Variants in GBF1 observed in about 807,000 individuals in gnomAD.
GBF1 encodes golgi brefeldin A resistant guanine nucleotide exchange factor 1.
A neutral mutation model predicts 210.5 loss-of-function variants in GBF1; 114 were observed. That is an observed-to-expected ratio of 0.54 (90% CI 0.47 to 0.63). The LOEUF (loss-of-function observed/expected upper bound fraction) is 0.63. Ranked by LOEUF, GBF1 falls within the 30% of genes least tolerant of loss-of-function variation. GBF1 has a pLI of 0.00. For synonymous variants in GBF1, 850 were observed against 889.2 expected, an observed-to-expected ratio of 0.96 and a Z score of 0.78; for missense variants, 1,851 against 2,357.7, an observed-to-expected ratio of 0.79 and a Z score of 4.45.
chr10:102,335,810 A>C (rs2134404095), intron 3 of GBF1, among the ~76,000 whole-genome samples: 1 of 152,318 alleles, frequency 6.6e-6, no homozygotes. Context: ...TTAATAATTC[A>C]TTTTATTAAA....
chr10:102,287,807 T>G (rs1310196377), intron 3 of GBF1, among the ~76,000 whole-genome samples: 1 of 152,202 alleles, frequency 6.6e-6, no homozygotes, highest in Non-Finnish European at 1.5e-5. Flanking sequence ...TGCTATATTA[T>G]ATTAGTCACA....
chr10:102,334,830 CAG>C (rs1394358277), intron 3 of GBF1, among the ~76,000 whole-genome samples: 1 of 148,110 alleles, frequency 6.8e-6, no homozygotes, highest in African/African-American at 2.5e-5. Flanking sequence ...GGCTGGGTGA[CAG>C]AGCGAGACTT....
chr10:102,350,356 A>G (rs2058869586), intron 4 of GBF1, among the ~76,000 whole-genome samples: 1 of 152,066 alleles, frequency 6.6e-6, no homozygotes, highest in African/African-American at 2.4e-5. Flanking sequence ...TCTCCAAAAA[A>G]AAAAAAAAAG....
chr10:102,283,207 T>C (rs898330268), intron 3 of GBF1, among the ~76,000 whole-genome samples: 5 of 152,206 alleles, frequency 3.3e-5, no homozygotes, highest in African/African-American at 1.2e-4. Context: ...CACTTGTTAG[T>C]AGAGCCATTT....
intron 11 of GBF1, 95 bp downstream of exon 11, chr10:102,359,530 C>CT: frequency 1.2e-6 from 1 of 840,236 alleles, no homozygotes; most frequent in South Asian, 1.5e-5. Flanking sequence ...TATTGGACTA[C>CT]TGCCTGTTGC....
At chr10:102,270,272 C>T (rs1315146743) in intron 3 of GBF1, among the ~76,000 whole-genome samples, 1 of 151,968 alleles carries the variant, frequency 6.6e-6, no homozygotes, top group African/African-American at 2.4e-5. Context: ...TGGGTTCAAG[C>T]AATTCTCCTG....
At chr10:102,300,397 C>T (rs922539397) in intron 3 of GBF1, among the ~76,000 whole-genome samples, 2 of 151,852 alleles carry the variant, frequency 1.3e-5, no homozygotes, top group Non-Finnish European at 2.9e-5. Flanking sequence ...TATTCAACAG[C>T]TAAAAAAAAA....
intron 5 of GBF1, 35 bp downstream of exon 5, chr10:102,351,409 C>A: frequency 1.8e-6 from 2 of 1,119,176 alleles, no homozygotes; most frequent in Non-Finnish European, 2.7e-6. Context: ...AGGCTAATGG[C>A]CAGGGGCTGG....
the GBF1 span, among the ~76,000 whole-genome samples, chr10:102,236,936 G>A: frequency 1.3e-5 from 2 of 152,210 alleles, no homozygotes; most frequent in South Asian, 4.1e-4. Flanking sequence ...TAGGGACGCT[G>A]AGCACCCAGA....
At chr10:102,304,647 C>T (rs1168477699) in intron 3 of GBF1, among the ~76,000 whole-genome samples, 2 of 151,548 alleles carry the variant, frequency 1.3e-5, no homozygotes, top group African/African-American at 2.4e-5. Flanking sequence ...CGGTGGCACA[C>T]GCCAGTAATC....
chr10:102,316,057 T>C (rs964529401), intron 3 of GBF1, among the ~76,000 whole-genome samples: 3 of 151,672 alleles, frequency 2.0e-5, no homozygotes, highest in Non-Finnish European at 4.4e-5. Flanking sequence ...GTCTCTGTCA[T>C]TTACCTTTCT....
intron 3 of GBF1, among the ~76,000 whole-genome samples, chr10:102,268,365 A>C (rs111595243): frequency 2.0e-3 from 299 of 152,352 alleles, no homozygotes; most frequent in African/African-American, 6.9e-3. Flanking sequence ...AGGGAAAAGC[A>C]TTCTTAATAG....
chr10:102,239,226 C>G, the GBF1 span, among the ~76,000 whole-genome samples: 3 of 152,232 alleles, frequency 2.0e-5, no homozygotes, highest in Admixed American at 2.0e-4. Flanking sequence ...AGTGACCAGG[C>G]ATGCGTTCAG....
Position 102,382,344 on chromosome 10 carries a change from C to T in GBF1, c.*8C>T. The T allele has an allele frequency of 6.3e-7, 1 of 1,598,656 alleles. No individual in the cohort carries two copies. The highest frequency in any genetic ancestry group is 8.5e-7 in the Non-Finnish European group (1 of 1,171,438). On this transcript the variant is annotated 3_prime_UTR_variant, in exon 40 of 40. Transcript: ENST00000369983. ...ACCTCTGAGGTCAACTAAGGCAGGT[C>T]ACTCAGAGATCAGGACCAGTGCTTC...
At chr10:102,257,629 C>T (rs138538986) in intron 1 of GBF1, among the ~76,000 whole-genome samples, 69 of 152,058 alleles carry the variant, frequency 4.5e-4, no homozygotes, top group African/African-American at 1.4e-3. Context: ...GCAGCCTTTA[C>T]GCTGACATTG....
At chr10:102,375,021 A>T (rs1279005593) in intron 29 of GBF1, among the ~76,000 whole-genome samples, 1 of 151,828 alleles carries the variant, frequency 6.6e-6, no homozygotes, top group Non-Finnish European at 1.5e-5. Context: ...AAAGAAAAAA[A>T]AAATTAGCCA....
Position 102,382,414 on chromosome 10 carries a change from A to G in GBF1, c.*78A>G. 7.5e-7 allele frequency: 1 copy of G among 1,334,024 alleles called. No homozygotes were observed. The highest frequency in any genetic ancestry group is 1.0e-6 in the Non-Finnish European group (1 of 970,162). 82.6% of individuals were successfully genotyped at this position (1,334,024 alleles called of 1,614,324 possible). ...CCCACTTCTGGCTGTCCTGCGGGCC[A>G]CAAGCTCTTCAGGCCAAGTCAGAGC... On this transcript the variant is annotated 3_prime_UTR_variant, in exon 40 of 40. Transcript: ENST00000369983.
At chr10:102,323,149 A>G (rs2056576548) in intron 3 of GBF1, among the ~76,000 whole-genome samples, 1 of 137,438 alleles carries the variant, frequency 7.3e-6, no homozygotes, top group Admixed American at 7.6e-5. Context: ...CTTTGACATG[A>G]TACCTCAATC....
chr10:102,322,714 T>G (rs927157881), intron 3 of GBF1, among the ~76,000 whole-genome samples: 8 of 63,786 alleles, frequency 1.3e-4, no homozygotes. Flanking sequence ...AGATCTCATC[T>G]CTACAAAAAA....
Sources: allele counts gnomAD v4.1 joint callset (sites outside exome capture counted in the v4.1 genomes callset), GRCh38; gene constraint gnomAD v4.1.1; transcripts MANE v1.5; gene names NCBI Gene and HGNC (gene_info 2026-07-23, HGNC 2026-07-21).